VPS13B: variants seen among roughly 807,000 people sequenced by gnomAD.
VPS13B encodes the protein intermembrane lipid transfer protein VPS13B.
A neutral mutation model predicts 426.4 loss-of-function variants in VPS13B; 285 were observed. That is an observed-to-expected ratio of 0.67 (90% CI 0.61 to 0.74). The LOEUF is 0.74. Ranked by LOEUF, VPS13B falls within the 30% of genes least tolerant of loss-of-function variation. The pLI, the probability that VPS13B is intolerant of heterozygous loss-of-function variation, is 0.00. For missense variants in VPS13B, 4,537 were observed against 4,782.6 expected, an observed-to-expected ratio of 0.95 and a Z score of 1.51; for synonymous variants, 1,676 against 1,676.4, an observed-to-expected ratio of 1.00 and a Z score of 0.01.
chr8:99,673,646 G>A (rs1830807782), intron 35 of VPS13B, among the ~76,000 whole-genome samples: 1 of 151,512 alleles, frequency 6.6e-6, no homozygotes, highest in Non-Finnish European at 1.5e-5. Context: ...CTACTAATTT[G>A]GGGCTTTGTT....
intron 7 of VPS13B, chr8:99,119,606 G>A (rs1847841064): frequency 6.6e-6 from 1 of 152,004 alleles, no homozygotes; most frequent in Non-Finnish European, 1.5e-5. Context: ...TGGCTTAAGT[G>A]TCTTGGTACT....
chr8:99,738,008 CTACTTT>C (rs1833916678), intron 39 of VPS13B, among the ~76,000 whole-genome samples: 1 of 152,222 alleles, frequency 6.6e-6, no homozygotes, highest in Non-Finnish European at 1.5e-5. Context: ...TGGTTGTGCT[CTACTTT>C]GGGGAGTCTC....
chr8:99,185,518 A>G (rs962394326), intron 16 of VPS13B, among the ~76,000 whole-genome samples: 7 of 152,168 alleles, frequency 4.6e-5, no homozygotes, highest in African/African-American at 1.7e-4. Context: ...AACTAATCTT[A>G]TTTTACTGTA....
At chr8:99,094,854 T>C (rs549108715) in intron 3 of VPS13B, among the ~76,000 whole-genome samples, 166 of 152,290 alleles carry the variant, frequency 1.1e-3, no homozygotes, top group African/African-American at 3.8e-3. Flanking sequence ...GTGTTATTAT[T>C]GATTAATGAA....
At chr8:99,401,615 C>T (rs1483627130) in intron 21 of VPS13B, among the ~76,000 whole-genome samples, 1 of 152,148 alleles carries the variant, frequency 6.6e-6, no homozygotes, top group African/African-American at 2.4e-5. Flanking sequence ...CCTGTAATCC[C>T]AGCACTTTGG....
intron 21 of VPS13B, among the ~76,000 whole-genome samples, chr8:99,405,647 T>C (rs1815282328): frequency 6.6e-6 from 1 of 152,086 alleles, no homozygotes. Flanking sequence ...ACTTAAGATA[T>C]AACCCAGACT....
At chr8:99,070,439 G>C (rs1021153556) in intron 3 of VPS13B, among the ~76,000 whole-genome samples, 2 of 152,190 alleles carry the variant, frequency 1.3e-5, no homozygotes, top group Non-Finnish European at 2.9e-5. Context: ...TTCTAGAACA[G>C]TTCCAATTTC....
intron 33 of VPS13B, among the ~76,000 whole-genome samples, chr8:99,640,049 GAGAAAAGAAAAGAAAAGAAAAGAAA>G (rs563436577): frequency 4.4e-4 from 44 of 99,726 alleles, no homozygotes; most frequent in East Asian, 3.0e-3. Context: ...AGAAGAAGAA[GAGAAAAGAAAAGAAAAGAAAAGAAA>G]AGAAAAGAAA....
chr8:99,065,420 C>T (rs1250835187), intron 3 of VPS13B, among the ~76,000 whole-genome samples: 2 of 152,122 alleles, frequency 1.3e-5, no homozygotes, highest in South Asian at 2.1e-4. Context: ...GCCACATGAT[C>T]GTCTCAATGG....
chr8:99,576,834 A>G (rs1825800930), intron 32 of VPS13B, among the ~76,000 whole-genome samples: 2 of 152,220 alleles, frequency 1.3e-5, no homozygotes, highest in Non-Finnish European at 2.9e-5. Context: ...CATCTACCCA[A>G]TGCTGCCAAG....
At chr8:99,317,151 T>C (rs1809712071) in intron 19 of VPS13B, among the ~76,000 whole-genome samples, 1 of 152,178 alleles carries the variant, frequency 6.6e-6, no homozygotes, top group African/African-American at 2.4e-5. Flanking sequence ...CAAAACCTCT[T>C]TGAGGTTATC....
At chr8:99,313,297 T>A (rs768236549) in intron 19 of VPS13B, among the ~76,000 whole-genome samples, 16 of 152,160 alleles carry the variant, frequency 1.1e-4, no homozygotes, top group Non-Finnish European at 2.2e-4. Context: ...ATCTTTGTGG[T>A]TTTATCTACC....
At chr8:99,103,814 T>G (rs1332082193) in intron 5 of VPS13B, among the ~76,000 whole-genome samples, 6 of 152,130 alleles carry the variant, frequency 3.9e-5, no homozygotes, top group Non-Finnish European at 8.8e-5. Flanking sequence ...TTTGTGTTTT[T>G]TTGTAGAGAC....
Position 99,143,112 on chromosome 8 carries a change from T to G in VPS13B, c.1790T>G (p.Met597Arg). The G allele has an allele frequency of 1.2e-6, 2 of 1,614,030 alleles. No individual in the cohort carries two copies. Among genetic ancestry groups the G allele is most frequent in the Non-Finnish European group, 8.5e-7 (1 of 1,179,944 alleles). Residue 597 changes from methionine to arginine, a missense_variant, in exon 13 of 62, where the codon ATG becomes AGG. Met to Arg is a moderately conservative substitution (Grantham distance 91, BLOSUM62 -1). Transcript: ENST00000357162. ...DSSAVHRILK[M>R]IVCALEHEYE... The stretch of plus-strand genomic sequence containing the variant: ...AGTGCGGTGCATAGGATTTTGAAAA[T>G]GATTGTGTGTGCCTTGGAACATGAA...
chr8:99,205,171 G>A (rs1290670170), intron 17 of VPS13B, among the ~76,000 whole-genome samples: 1 of 152,212 alleles, frequency 6.6e-6, no homozygotes, highest in Non-Finnish European at 1.5e-5. Context: ...ATACTATGCA[G>A]CCATAAAAAT....
At chr8:99,703,592 A>G (rs1832374054) in intron 36 of VPS13B, among the ~76,000 whole-genome samples, 1 of 152,176 alleles carries the variant, frequency 6.6e-6, no homozygotes, top group Non-Finnish European at 1.5e-5. Context: ...TATTCATTGA[A>G]CCCATCCCAT....
intron 17 of VPS13B, among the ~76,000 whole-genome samples, chr8:99,241,871 ATAGAT>A (rs1229210507): frequency 6.6e-5 from 10 of 152,222 alleles, no homozygotes; most frequent in Non-Finnish European, 1.2e-4. Flanking sequence ...AAGTGTAAAC[ATAGAT>A]TAGAGTGGAA....
chr8:99,197,684 A>G (rs1032839035), intron 17 of VPS13B, among the ~76,000 whole-genome samples: 4 of 152,028 alleles, frequency 2.6e-5, no homozygotes, highest in African/African-American at 7.2e-5. Context: ...TTATTTGAGC[A>G]TGCTCCTTTT....
At chr8:99,747,635 A>C (rs566444802) in intron 39 of VPS13B, among the ~76,000 whole-genome samples, 6 of 152,064 alleles carry the variant, frequency 3.9e-5, no homozygotes, top group Non-Finnish European at 8.8e-5. Context: ...ATATGGCAAA[A>C]ATGTTTATAC....
Sources: allele counts gnomAD v4.1 joint callset (sites outside exome capture counted in the v4.1 genomes callset), GRCh38; gene constraint gnomAD v4.1.1; transcripts MANE v1.5; gene names NCBI Gene and HGNC (gene_info 2026-07-23, HGNC 2026-07-21).